The following HSD17B2 variants were observed in gnomAD, a reference collection of about 807,000 sequenced individuals.
The protein encoded by HSD17B2 is 17-beta-hydroxysteroid dehydrogenase type 2.
A neutral mutation model predicts 26.9 loss-of-function variants in HSD17B2; 32 were observed. The ratio of observed to expected loss-of-function variants is 1.19; its 90% CI spans 0.90 to 1.60. HSD17B2 has a LOEUF of 1.60. Ranked by LOEUF, HSD17B2 falls within the 40% of genes most tolerant of loss-of-function variation. HSD17B2 has a pLI of 0.00. For missense variants in HSD17B2, 613 were observed against 468.6 expected (o/e 1.31, Z -2.85); for synonymous variants, 246 against 186.7 (o/e 1.32, Z -2.59).
At chr16:82,066,821 A>G (rs1914583811) in intron 1 of HSD17B2, among the ~76,000 whole-genome samples, 1 of 152,192 alleles carries the variant, frequency 6.6e-6, no homozygotes, top group East Asian at 1.9e-4. Flanking sequence ...GTTCTATTCC[A>G]TCTTTAAAAC....
chr16:82,043,989 T>C (rs141848291), intron 1 of HSD17B2, among the ~76,000 whole-genome samples: 2 of 152,210 alleles, frequency 1.3e-5, no homozygotes, highest in East Asian at 3.8e-4. Context: ...CCTTGAAACA[T>C]GTGGACTGCA....
chr16:82,052,077 G>A (rs1368613634), intron 1 of HSD17B2, among the ~76,000 whole-genome samples: 3 of 152,188 alleles, frequency 2.0e-5, no homozygotes, highest in South Asian at 2.1e-4. Flanking sequence ...TAATGTCTGT[G>A]CGGTGTATGA....
chr16:82,069,740 T>C (rs1350815882), intron 2 of HSD17B2, among the ~76,000 whole-genome samples: 1 of 152,186 alleles, frequency 6.6e-6, no homozygotes, highest in African/African-American at 2.4e-5. Context: ...GGGTCCAGGA[T>C]GGGCTATGTA....
intron 3 of HSD17B2, among the ~76,000 whole-genome samples, chr16:82,080,832 C>T (rs551512461): frequency 2.0e-5 from 3 of 152,312 alleles, no homozygotes; most frequent in Non-Finnish European, 2.9e-5. Context: ...AGCACTTTAT[C>T]GCATTCCAAA....
intron 1 of HSD17B2, among the ~76,000 whole-genome samples, chr16:82,061,790 C>G (rs756247072): frequency 6.6e-6 from 1 of 152,106 alleles, no homozygotes; most frequent in Non-Finnish European, 1.5e-5. Flanking sequence ...TGACTGTGAG[C>G]TTTTATTTCT....
intron 3 of HSD17B2, among the ~76,000 whole-genome samples, chr16:82,075,503 C>T (rs965397921): frequency 1.1e-4 from 16 of 151,826 alleles, no homozygotes; most frequent in Non-Finnish European, 1.6e-4. Context: ...AGAGAGAAGA[C>T]CCAATAAAAA....
At chr16:82,080,642 G>A (rs890342670) in intron 3 of HSD17B2, among the ~76,000 whole-genome samples, 6 of 152,206 alleles carry the variant, frequency 3.9e-5, no homozygotes, top group East Asian at 3.8e-4. Flanking sequence ...GGAAAATAAT[G>A]TGTCTGGTTT....
At chr16:82,057,955 A>T (rs1914322108) in intron 1 of HSD17B2, among the ~76,000 whole-genome samples, 1 of 152,244 alleles carries the variant, frequency 6.6e-6, no homozygotes, top group African/African-American at 2.4e-5. Context: ...ATTAGGTAAA[A>T]GTAACGCAAT....
In HSD17B2 at chr16:82,047,385, A is replaced by G. The variant is rs146540601; in HGVS notation, c.265+11696A>G. On this transcript the variant is annotated intron_variant, in intron 1 of 4. Transcript: ENST00000199936. The stretch of plus-strand genomic sequence containing the variant: ...AAAGAACTCTGATTAGCAGTGTGGA[A>G]AGGGGATTAGAATCCATTCATTCGT... 3.3e-5 allele frequency among the ~76,000 whole-genome samples: 5 copies of G among 152,346 alleles called. No individual in the cohort carries two copies. The East Asian group carries it at 5.8e-4, about 18-fold the overall frequency.
At chr16:82,087,308 A>G (rs1267177413) in intron 3 of HSD17B2, among the ~76,000 whole-genome samples, 1 of 152,182 alleles carries the variant, frequency 6.6e-6, no homozygotes, top group Non-Finnish European at 1.5e-5. Context: ...CCTTGAGAAA[A>G]TTAAAAGTTA....
intron 1 of HSD17B2, among the ~76,000 whole-genome samples, chr16:82,064,037 A>C (rs1227869662): frequency 1.3e-5 from 2 of 152,230 alleles, no homozygotes; most frequent in Non-Finnish European, 2.9e-5. Context: ...TTCCCAGAAC[A>C]CAAAAGGGTG....
chr16:82,082,841 T>C (rs1904420401), intron 3 of HSD17B2, among the ~76,000 whole-genome samples: 1 of 152,206 alleles, frequency 6.6e-6, no homozygotes, highest in African/African-American at 2.4e-5. Flanking sequence ...CAATAACCTA[T>C]GTAATGTTGC....
At chr16:82,061,622 T>C (rs528947835) in intron 1 of HSD17B2, among the ~76,000 whole-genome samples, 1 of 152,310 alleles carries the variant, frequency 6.6e-6, no homozygotes, top group East Asian at 1.9e-4. Context: ...GTCTATATAA[T>C]AGTAATTTAA....
At position 82,087,991 on chromosome 16, in the gene HSD17B2, C is replaced by A. The variant is rs142697522; in HGVS notation, c.665-2911C>A. Among the ~76,000 whole-genome samples, 285 of 152,296 alleles carry A rather than the reference C, an allele frequency of 1.9e-3. 2 individuals are homozygous for A. Among genetic ancestry groups the A allele is most frequent in the African/African-American group, 6.6e-3 (273 of 41,572 alleles). On this transcript the variant is annotated intron_variant, in intron 3 of 4. Coordinates refer to ENST00000199936, the MANE Select transcript of HSD17B2 (RefSeq NM_002153.3). ...CACTGTTTCATTGGGGATTAAGTTT[C>A]AACATACGCTTTTGGAGGGACACAT...
intron 3 of HSD17B2, among the ~76,000 whole-genome samples, chr16:82,075,430 A>G (rs1021372839): frequency 6.6e-6 from 1 of 152,096 alleles, no homozygotes; most frequent in South Asian, 2.1e-4. Flanking sequence ...TCTGGAAAAG[A>G]TAAACAAAAT....
intron 4 of HSD17B2, 79 bp downstream of exon 4, chr16:82,091,118 C>A (rs746909149): frequency 1.5e-6 from 2 of 1,322,644 alleles, no homozygotes; most frequent in Admixed American, 1.7e-5. Context: ...ACAGAGCACA[C>A]ATTGAACCCC....
At chr16:82,049,354 T>A (rs76506245) in intron 1 of HSD17B2, among the ~76,000 whole-genome samples, 3 of 152,168 alleles carry the variant, frequency 2.0e-5, no homozygotes, top group Non-Finnish European at 4.4e-5. Context: ...TGTCAATAGC[T>A]CTGAAGTTGA....
intron 2 of HSD17B2, among the ~76,000 whole-genome samples, chr16:82,069,121 G>T (rs1426234483): frequency 6.6e-6 from 1 of 152,056 alleles, no homozygotes; most frequent in African/African-American, 2.4e-5. Flanking sequence ...GCGTCCATGT[G>T]TTCTCACTGT....
intron 3 of HSD17B2, among the ~76,000 whole-genome samples, chr16:82,076,693 GCATCCCGAGTAGCTGGGACTA>G (rs1904304294): frequency 6.6e-6 from 1 of 152,182 alleles, no homozygotes; most frequent in East Asian, 1.9e-4. Context: ...TTCTGCCTCA[GCATCCCGAGTAGCTGGGACTA>G]CAGGTGTGCG....
Sources: allele counts gnomAD v4.1 joint callset (sites outside exome capture counted in the v4.1 genomes callset), GRCh38; gene constraint gnomAD v4.1.1; transcripts MANE v1.5; gene names NCBI Gene and HGNC (gene_info 2026-07-23, HGNC 2026-07-21).